CTSV: variants seen among roughly 807,000 people sequenced by gnomAD.
The protein encoded by CTSV is cathepsin L2.
A neutral mutation model predicts 35.6 loss-of-function variants in CTSV; 33 were observed. The ratio of observed to expected loss-of-function variants is 0.93; its 90% CI spans 0.70 to 1.24. CTSV has a LOEUF of 1.24. Among genes scored for constraint, CTSV ranks in the 50% most tolerant of loss-of-function variants. The probability of loss-of-function intolerance (pLI) is 0.00; values close to 1 mark genes in which losing one functional copy is unlikely to be tolerated. For missense variants in CTSV, 408 were observed against 413.1 expected (o/e 0.99, Z 0.11); for synonymous variants, 154 against 147.1 (o/e 1.05, Z -0.34).
chr9:97,035,157 C>T (rs553946240), intron 6 of CTSV, among the ~76,000 whole-genome samples: 1 of 152,220 alleles, frequency 6.6e-6, no homozygotes, highest in East Asian at 1.9e-4. Flanking sequence ...GCCCAAATAC[C>T]AACTCGCATA....
At position 97,035,560 on chromosome 9, in the gene CTSV, G is replaced by A; in HGVS notation, c.755C>T (p.Ala252Val). 1.9e-6 allele frequency: 3 copies of A among 1,580,402 alleles called. No homozygotes were observed. Among genetic ancestry groups the A allele is most frequent in the Non-Finnish European group, 2.6e-6 (3 of 1,160,616 alleles). ...GTAGAACTGGAAGGACGAATGGCCT[G>A]CATCCATAGCAACGGAGATGGGCCC... is the stretch of plus-strand genomic sequence containing the variant. ...TVGPISVAMD[A>V]GHSSFQFYKS... Residue 252 changes from alanine (A) to valine (V), a missense_variant, in exon 6 of 8, where the codon GCA (alanine) becomes GTA (valine). Ala to Val is a moderately conservative substitution (Grantham distance 64). Coordinates refer to ENST00000259470, the MANE Select transcript of CTSV (RefSeq NM_001333.4).
intron 6 of CTSV, 152 bp from the exon 7 acceptor site, chr9:97,034,995 A>C (rs1828821499): frequency 6.9e-6 from 4 of 579,834 alleles, no homozygotes; most frequent in Non-Finnish European, 1.2e-5. Context: ...TTGGCCGGAA[A>C]ACAGTAATGG....
Position 97,032,632 on chromosome 9 carries a change from A to C in CTSV, c.*317T>G. The C allele has an allele frequency of 4.5e-6, 1 of 220,366 alleles. No homozygotes were observed. Among genetic ancestry groups the C allele is most frequent in the Non-Finnish European group, 8.7e-6 (1 of 115,252 alleles). 13.7% of individuals were successfully genotyped at this position (220,366 alleles called of 1,614,324 possible). On this transcript the variant is annotated 3_prime_UTR_variant, in exon 8 of 8. Coordinates refer to ENST00000259470, the MANE Select transcript of CTSV (RefSeq NM_001333.4). ...ATATTTCCTGACTACACAAAAAGCC[A>C]ATGCATTAAAAAAAGGCCCACCTTT...
At position 97,036,607 on chromosome 9, in the gene CTSV, A is replaced by G. The variant is rs150479825; in HGVS notation, c.537T>C (p.Asn179=). The change falls in exon 5 of 8, where the codon AAT becomes AAC. Residue 179 remains asparagine, a synonymous_variant. Coordinates refer to ENST00000259470, the MANE Select transcript of CTSV (RefSeq NM_001333.4). ...GGAAGGCCCTAGCCATGAAGCCACC[A>G]TTGCAGCCCTGATTGCCTTGAGGAC... is the stretch of plus-strand genomic sequence containing the variant. ...CSRPQGNQGC[N]GGFMARAFQY... is the part of the protein sequence containing the mutation. 2.4e-3 allele frequency: 3,882 copies of G among 1,613,954 alleles called. 86 individuals are homozygous for G. The African/African-American group carries it at 0.045, about 19-fold the overall frequency.
intron 7 of CTSV, among the ~76,000 whole-genome samples, chr9:97,033,576 C>A (rs988556870): frequency 1.3e-5 from 2 of 151,722 alleles, no homozygotes; most frequent in African/African-American, 4.8e-5. Flanking sequence ...TGCACCACTG[C>A]ACTTCAGCCT....
chr9:97,038,224 A>G (rs1221900328), intron 1 of CTSV, among the ~76,000 whole-genome samples, 171 bp from the exon 2 acceptor site: 1 of 152,204 alleles, frequency 6.6e-6, no homozygotes, highest in Non-Finnish European at 1.5e-5. Flanking sequence ...CAAAATTAAA[A>G]GCAGCCTGCA....
At position 97,031,726 on chromosome 9, in the gene CTSV, G is replaced by A. The variant is rs765516399; in HGVS notation, c.*1223C>T. 2 of 152,188 alleles carry A rather than the reference G, an allele frequency of 1.3e-5. No homozygotes were observed. The highest frequency in any genetic ancestry group is 2.4e-5 in the African/African-American group (1 of 41,450). The allele number at this position is 152,188 out of a possible 1,614,324, so 9.4% of individuals were successfully genotyped here. On this transcript the variant is annotated 3_prime_UTR_variant, in exon 8 of 8. Coordinates refer to ENST00000259470, the MANE Select transcript of CTSV (RefSeq NM_001333.4). ...TAGTGACTTCTGACCTTTCACTTGT[G>A]ATCTCTTATCCATCTTCGGCCAGAG...
At chr9:97,034,695 A>T in intron 7 of CTSV, 31 bp downstream of exon 7, 1 of 1,551,464 alleles carries the variant, frequency 6.4e-7, no homozygotes, top group Non-Finnish European at 8.9e-7. Context: ...ATTTGGAACA[A>T]AAATTCCCTT....
rs896518406 is a variant in CTSV at position 97,031,292 on chromosome 9, T to C, written c.*1657A>G. 3 of 152,202 alleles carry C rather than the reference T, an allele frequency of 2.0e-5. No individual in the cohort carries two copies. Among genetic ancestry groups the C allele is most frequent in the African/African-American group, 2.4e-5 (1 of 41,442 alleles). The allele number at this position is 152,202 out of a possible 1,614,324, so 9.4% of individuals were successfully genotyped here. A position where few individuals can be genotyped will look rare whatever the true frequency, so the allele number is the denominator to read the frequency against. ...GATTTTCCAGAGATGGCTGTGGACA[T>C]AGGCTATCAAAGGGTTTTTGGGATA... On this transcript the variant is annotated 3_prime_UTR_variant, in exon 8 of 8. Coordinates refer to ENST00000259470, the MANE Select transcript of CTSV (RefSeq NM_001333.4).
At chr9:97,035,467 G>A in intron 6 of CTSV, 61 bp downstream of exon 6, 1 of 1,314,856 alleles carries the variant, frequency 7.6e-7, no homozygotes, top group Non-Finnish European at 1.0e-6. Flanking sequence ...TCATATCCAA[G>A]AATCAATCAC....
rs1364237272 is a variant in CTSV, at chr9:97,030,332, C to A, written c.*2617G>T. On this transcript the variant is annotated 3_prime_UTR_variant, in exon 8 of 8. Transcript: ENST00000259470. ...AACTACACTCCCACATCAGCAAACT[C>A]CTCCCTCTTAATATGCTCAGTGATT... 1 of 152,178 alleles carries A rather than the reference C, an allele frequency of 6.6e-6. No individual in the cohort carries two copies. Among genetic ancestry groups the A allele is most frequent in the East Asian group, 1.9e-4 (1 of 5,194 alleles). 9.4% of individuals were successfully genotyped at this position (152,178 alleles called of 1,614,324 possible). A position where few individuals can be genotyped will look rare whatever the true frequency, so the allele number is the denominator to read the frequency against.
chr9:97,036,452 T>A lies in CTSV; in HGVS notation c.621+71A>T, dbSNP rs781469694. ...TAAAATGTGAATTCTGAAAAAAGTA[T>A]CTGTTATCTCTGAAAGTGTTCCACT... On this transcript the variant is annotated intron_variant, in intron 5 of 7. Coordinates refer to ENST00000259470, the MANE Select transcript of CTSV (RefSeq NM_001333.4). 1.8e-5 allele frequency: 19 copies of A among 1,037,846 alleles called. No individual in the cohort carries two copies. The South Asian group carries it at 2.5e-4, about 13-fold the overall frequency. The allele number at this position is 1,037,846 out of a possible 1,614,324, so 64.3% of individuals were successfully genotyped here.
intron 6 of CTSV, among the ~76,000 whole-genome samples, chr9:97,035,327 T>C (rs928599146): frequency 1.3e-5 from 2 of 152,240 alleles, no homozygotes; most frequent in Non-Finnish European, 2.9e-5. Flanking sequence ...GTTGTCTCTA[T>C]ACAATTACAT....
In CTSV at chr9:97,035,546, A is replaced by T. The variant is rs1376456730; in HGVS notation, c.769T>A (p.Phe257Ile). 1 of 1,556,046 alleles carries T rather than the reference A, an allele frequency of 6.4e-7. No homozygotes were observed. Among genetic ancestry groups the T allele is most frequent in the African/African-American group, 1.4e-5 (1 of 72,794 alleles). The change falls in exon 6 of 8, where the codon TTC (phenylalanine) becomes ATC (isoleucine). Residue 257 changes from phenylalanine to isoleucine, a missense_variant. Coordinates refer to ENST00000259470, the MANE Select transcript of CTSV (RefSeq NM_001333.4). The part of the protein sequence containing the change: ...SVAMDAGHSS[F>I]QFYKSGIYFE... The stretch of plus-strand genomic sequence containing the variant: ...CACTTACCTGATTTGTAGAACTGGA[A>T]GGACGAATGGCCTGCATCCATAGCA...
In CTSV at chr9:97,032,763, T is replaced by G. The variant is rs1220153790; in HGVS notation, c.*186A>C. ...ATGAGTCTTTGATATCATAAAGCTG[T>G]GTATAACAATAATTAAAGTAGTGGT... On this transcript the variant is annotated 3_prime_UTR_variant, in exon 8 of 8. Coordinates refer to ENST00000259470, the MANE Select transcript of CTSV (RefSeq NM_001333.4). The G allele has an allele frequency of 6.4e-6, 3 of 470,000 alleles. No individual in the cohort carries two copies. Among genetic ancestry groups the G allele is most frequent in the African/African-American group, 3.9e-5 (2 of 51,214 alleles). 29.1% of individuals were successfully genotyped at this position (470,000 alleles called of 1,614,324 possible).
rs1424400742 is a variant in CTSV at position 97,032,834 on chromosome 9, T to G, written c.*115A>C. 12 of 616,396 alleles carry G rather than the reference T, an allele frequency of 1.9e-5. No homozygotes were observed. Among genetic ancestry groups the G allele is most frequent in the Non-Finnish European group, 3.3e-5 (12 of 367,856 alleles). 38.2% of individuals were successfully genotyped at this position (616,396 alleles called of 1,614,324 possible). ...ATGTCACAGAATTAAAATCTCAACT[T>G]GGATCCTCAATGATTCAACTGGTTT... On this transcript the variant is annotated 3_prime_UTR_variant, in exon 8 of 8. Transcript: ENST00000259470.
intron 4 of CTSV, 122 bp downstream of exon 4, chr9:97,037,130 C>T (rs1828866319): frequency 2.7e-6 from 3 of 1,126,710 alleles, no homozygotes; most frequent in African/African-American, 1.6e-5. Context: ...AAAAAAAACA[C>T]CAAAAACCAA....
chr9:97,034,240 C>T (rs1030945809), intron 7 of CTSV, among the ~76,000 whole-genome samples: 4 of 152,158 alleles, frequency 2.6e-5, no homozygotes, highest in African/African-American at 9.7e-5. Flanking sequence ...TTAAAGAATG[C>T]TAATTGTGAG....
chr9:97,035,796 C>T (rs905897306), intron 5 of CTSV, 103 bp from the exon 6 acceptor site: 1 of 621,088 alleles, frequency 1.6e-6, no homozygotes, highest in African/African-American at 1.9e-5. Context: ...CTAGGATTTC[C>T]AAATCAACAC....
Sources: gnomAD v4.1 joint callset for allele counts (sites outside exome capture counted in the v4.1 genomes callset) on GRCh38, gnomAD v4.1.1 for gene constraint, MANE v1.5 for transcripts, NCBI Gene and HGNC (gene_info 2026-07-23, HGNC 2026-07-21) for gene names.